Variants in ATF1 observed in about 807,000 individuals in gnomAD.
ATF1 encodes activating transcription factor 1.
Under a neutral mutation model 34.7 loss-of-function variants are expected in ATF1, and 16 were observed. The ratio of observed to expected loss-of-function variants is 0.46; its 90% CI spans 0.31 to 0.70. The LOEUF (loss-of-function observed/expected upper bound fraction) is 0.70. ATF1 is among the 30% of genes least tolerant of loss of function. The pLI is 0.05. For synonymous variants in ATF1, 105 were observed against 113.1 expected, an observed-to-expected ratio of 0.93 and a Z score of 0.46; for missense variants, 255 against 321.6, an observed-to-expected ratio of 0.79 and a Z score of 1.58.
chr12:50,803,330 A>G lies in ATF1; in HGVS notation c.195-6126A>G, dbSNP rs565604150. On this transcript the variant is annotated intron_variant, in intron 3 of 6. Transcript: ENST00000262053. Reference sequence around the variant, plus strand: ...TCCAAAGAAGATAAACAAATGACTAATAAACCTATGAAAAGTTCAACATTT... The same window carrying G: ...TCCAAAGAAGATAAACAAATGACTAGTAAACCTATGAAAAGTTCAACATTT... Among the ~76,000 whole-genome samples, 6 of 152,226 alleles carry G rather than the reference A, an allele frequency of 3.9e-5. No individual in the cohort carries two copies. The East Asian group carries it at 1.2e-3, about 29-fold the overall frequency.
intron 6 of ATF1, among the ~76,000 whole-genome samples, chr12:50,816,324 A>G (rs1316852729): frequency 6.6e-6 from 1 of 152,034 alleles, no homozygotes; most frequent in Non-Finnish European, 1.5e-5. Context: ...ATCTCAAGAA[A>G]AAAGAGAGAA....
At chr12:50,808,054 C>T (rs1941654018) in intron 3 of ATF1, among the ~76,000 whole-genome samples, 1 of 152,118 alleles carries the variant, frequency 6.6e-6, no homozygotes, top group Non-Finnish European at 1.5e-5. Flanking sequence ...AGGTGATCCG[C>T]CTGCCTTGGC....
intron 1 of ATF1, among the ~76,000 whole-genome samples, chr12:50,774,043 T>C (rs1051145982): frequency 1.3e-5 from 2 of 152,188 alleles, no homozygotes; most frequent in South Asian, 2.1e-4. Context: ...CTTTTTTCTT[T>C]TTTTGGAGAT....
At chr12:50,791,885 A>G (rs1356651836) in intron 2 of ATF1, among the ~76,000 whole-genome samples, 3 of 152,064 alleles carry the variant, frequency 2.0e-5, no homozygotes, top group Non-Finnish European at 2.9e-5. Context: ...ATAAATTACA[A>G]TTTCATGATT....
rs1439425366 is a variant in ATF1 at position 50,795,799 on chromosome 12, C to T, written c.94-110C>T. 10 of 797,164 alleles carry T rather than the reference C, an allele frequency of 1.3e-5. No homozygotes were observed. In the Admixed American group the frequency reaches 1.4e-4, roughly 11 times the overall value. The allele number at this position is 797,164 out of a possible 1,614,324, so 49.4% of individuals were successfully genotyped here. The stretch of plus-strand genomic sequence containing the variant: ...TCTTTTAGACTTTAGATTTAATGTA[C>T]AAATGAATTGGAGTGGCAGGAGACA... On this transcript the variant is annotated intron_variant, in intron 2 of 6. Transcript: ENST00000262053.
rs145623141 is a variant in ATF1, at chr12:50,772,204, C to A, written c.-7+7897C>A. ...TTGGTCTCAAACTCCTGGGCTCAAG[C>A]GATCCTATCGCTTAAGGGTACAAAG... On this transcript the variant is annotated intron_variant, in intron 1 of 6. Coordinates refer to ENST00000262053, the MANE Select transcript of ATF1 (RefSeq NM_005171.5). Among the ~76,000 whole-genome samples, 567 of 152,168 alleles carry A rather than the reference C, an allele frequency of 3.7e-3. 5 individuals are homozygous for A. The highest frequency in any genetic ancestry group is 0.013 in the African/African-American group (542 of 41,514).
chr12:50,803,663 T>G lies in ATF1; in HGVS notation c.195-5793T>G, dbSNP rs187492380. ...TGTTCATGAATGTTTATAGCAGCAT[T>G]GTTTATAATAGCCAAAACATGGAAA... On this transcript the variant is annotated intron_variant, in intron 3 of 6. Coordinates refer to ENST00000262053, the MANE Select transcript of ATF1 (RefSeq NM_005171.5). Among the ~76,000 whole-genome samples the G allele has an allele frequency of 1.2e-3, 183 of 152,316 alleles. 1 individual carries two copies. The highest frequency in any genetic ancestry group is 5.0e-4 in the Non-Finnish European group (34 of 68,020).
rs189712935 is a variant in ATF1, at chr12:50,787,317, G to A, written c.93+7079G>A. Among the ~76,000 whole-genome samples the A allele has an allele frequency of 5.3e-5, 8 of 152,308 alleles. 1 individual carries two copies. Among genetic ancestry groups the A allele is most frequent in the African/African-American group, 1.9e-4 (8 of 41,568 alleles). ...ACCCAGCTGTTGGAACTATCAGAGAGTGAATTTCAAATAAGAATGAATAAT... is the reference window on the plus strand; with the variant it reads ...ACCCAGCTGTTGGAACTATCAGAGAATGAATTTCAAATAAGAATGAATAAT... On this transcript the variant is annotated intron_variant, in intron 2 of 6. Coordinates refer to ENST00000262053, the MANE Select transcript of ATF1 (RefSeq NM_005171.5).
intron 2 of ATF1, among the ~76,000 whole-genome samples, chr12:50,782,815 G>A (rs1479162958): frequency 6.7e-6 from 1 of 149,774 alleles, no homozygotes; most frequent in East Asian, 2.0e-4. Context: ...TCACCCTCCC[G>A]AGTAGCTGGG....
At chr12:50,778,870 C>A (rs923491262) in intron 1 of ATF1, among the ~76,000 whole-genome samples, 1 of 152,198 alleles carries the variant, frequency 6.6e-6, no homozygotes, top group African/African-American at 2.4e-5. Flanking sequence ...CTTGAGCCAC[C>A]ATGCCCAGCC....
intron 1 of ATF1, among the ~76,000 whole-genome samples, chr12:50,769,036 G>C (rs540975393): frequency 2.0e-5 from 3 of 152,242 alleles, no homozygotes; most frequent in Middle Eastern, 3.4e-3. Context: ...TTACTAACCA[G>C]GGTTTTCACC....
At chr12:50,790,999 G>A (rs1941290167) in intron 2 of ATF1, among the ~76,000 whole-genome samples, 1 of 152,056 alleles carries the variant, frequency 6.6e-6, no homozygotes, top group Non-Finnish European at 1.5e-5. Context: ...TTTTTTGGTA[G>A]AATTGAACTT....
Position 50,809,487 on chromosome 12 carries a change from A to C in ATF1, c.226A>C (p.Thr76Pro). The change falls in exon 4 of 7, where the codon ACA becomes CCA. Residue 76 changes from threonine to proline, a missense_variant. Transcript: ENST00000262053. The part of the protein sequence containing the change: ...KILKDLSSED[T>P]RGRKGDGENS... The stretch of plus-strand genomic sequence containing the variant: ...TTTGAAAGACTTATCTTCTGAAGAT[A>C]CACGGGGCAGAAAAGGAGACGGAGA... The C allele has an allele frequency of 6.2e-7, 1 of 1,613,324 alleles. No individual in the cohort carries two copies. The highest frequency in any genetic ancestry group is 8.5e-7 in the Non-Finnish European group (1 of 1,179,516).
In ATF1 at chr12:50,821,154, G is replaced by A. The variant is rs902158080; in HGVS notation, c.*1375G>A. 2 of 174,092 alleles carry A rather than the reference G, an allele frequency of 1.1e-5. No homozygotes were observed. Among genetic ancestry groups the A allele is most frequent in the African/African-American group, 4.7e-5 (2 of 42,114 alleles). The allele number at this position is 174,092 out of a possible 1,614,324, so 10.8% of individuals were successfully genotyped here. A position where few individuals can be genotyped will look rare whatever the true frequency, so the allele number is the denominator to read the frequency against. On this transcript the variant is annotated 3_prime_UTR_variant, in exon 7 of 7. Coordinates refer to ENST00000262053, the MANE Select transcript of ATF1 (RefSeq NM_005171.5). ...ATGTAAAATATAATGCTTGGTATAT[G>A]AATGATAAGCTTGCTCCTGGCCATG... is the stretch of plus-strand genomic sequence containing the variant.
intron 2 of ATF1, 117 bp downstream of exon 2, chr12:50,780,355 T>G: frequency 1.0e-6 from 1 of 979,954 alleles, no homozygotes; most frequent in Non-Finnish European, 1.5e-6. Context: ...TTTGGGTTTT[T>G]TTTTTCGAGG....
chr12:50,813,936 TG>T, intron 4 of ATF1, 73 bp from the exon 5 acceptor site: 1 of 1,429,670 alleles, frequency 7.0e-7, no homozygotes, highest in Non-Finnish European at 9.5e-7. Context: ...ATAGTGTTTG[TG>T]GGCTTTTTGC....
chr12:50,813,946 G>A, intron 4 of ATF1, 64 bp from the exon 5 acceptor site: 5 of 1,480,268 alleles, frequency 3.4e-6, no homozygotes, highest in Non-Finnish European at 4.6e-6. Flanking sequence ...TGGGCTTTTT[G>A]CCACTCCTTT....
At chr12:50,794,934 A>T (rs1219722967) in intron 2 of ATF1, among the ~76,000 whole-genome samples, 2 of 152,244 alleles carry the variant, frequency 1.3e-5, no homozygotes, top group East Asian at 3.9e-4. Context: ...TAAAAAAATT[A>T]AAAATATTTA....
intron 6 of ATF1, among the ~76,000 whole-genome samples, chr12:50,814,892 CG>C (rs924176769): frequency 6.8e-6 from 1 of 148,054 alleles, no homozygotes; most frequent in African/African-American, 2.5e-5. Flanking sequence ...CCAGCTGAGG[CG>C]GGCAGATCAC....
Sources: allele counts gnomAD v4.1 joint callset (sites outside exome capture counted in the v4.1 genomes callset), GRCh38; gene constraint gnomAD v4.1.1; transcripts MANE v1.5; gene names NCBI Gene and HGNC (gene_info 2026-07-23, HGNC 2026-07-21).